ADIPOR1: variants seen among roughly 807,000 people sequenced by gnomAD.
ADIPOR1 encodes adiponectin receptor protein 1.
A neutral mutation model predicts 37.5 loss-of-function variants in ADIPOR1; 15 were observed. The observed-to-expected ratio is 0.40, with a 90% CI of 0.27 to 0.62. ADIPOR1 has a LOEUF of 0.62. Among genes scored for constraint, ADIPOR1 ranks in the 20% least tolerant of loss-of-function variants. ADIPOR1 has a pLI of 0.42. For missense variants in ADIPOR1, 286 were observed against 478.0 expected, an observed-to-expected ratio of 0.60 and a Z score of 3.75; for synonymous variants, 173 against 173.2, an observed-to-expected ratio of 1.00 and a Z score of 0.01.
intron 1 of ADIPOR1, among the ~76,000 whole-genome samples, chr1:202,953,368 C>T (rs1571569508): frequency 6.6e-6 from 1 of 151,940 alleles, no homozygotes; most frequent in Non-Finnish European, 1.5e-5. Context: ...TTGGAAGTAA[C>T]TTAGATCAGG....
chr1:202,956,438 C>A (rs1419979118), intron 1 of ADIPOR1, among the ~76,000 whole-genome samples: 2 of 152,176 alleles, frequency 1.3e-5, no homozygotes, highest in African/African-American at 4.8e-5. Flanking sequence ...TGATTACTTA[C>A]AATACGCATG....
intron 1 of ADIPOR1, among the ~76,000 whole-genome samples, chr1:202,954,741 T>A (rs1376324315): frequency 6.6e-6 from 1 of 152,232 alleles, no homozygotes; most frequent in African/African-American, 2.4e-5. Flanking sequence ...TGTACTCCTA[T>A]AAATAAGATA....
At position 202,942,091 on chromosome 1, in the gene ADIPOR1, G is replaced by A. The variant is rs1439636688; in HGVS notation, c.933C>T (p.Ile311=). Residue 311 remains isoleucine, a synonymous_variant, in exon 7 of 8, where the codon ATC becomes ATT. Coordinates refer to ENST00000340990, the MANE Select transcript of ADIPOR1 (RefSeq NM_015999.6). Reference sequence around the variant, plus strand: ...GAGCAGCATAAAGGCCAGCTCCAGTGATGTACATCACAGCCATGAGGAAGA... The same window carrying A: ...GAGCAGCATAAAGGCCAGCTCCAGTAATGTACATCACAGCCATGAGGAAGA... ...GWFFLMAVMY[I]TGAGLYAARI... 3.7e-6 allele frequency: 6 copies of A among 1,614,060 alleles called. No homozygotes were observed. In the African/African-American group the frequency reaches 8.0e-5, roughly 22 times the overall value.
chr1:202,952,802 T>G (rs1654631449), intron 1 of ADIPOR1, among the ~76,000 whole-genome samples: 1 of 152,230 alleles, frequency 6.6e-6, no homozygotes, highest in Non-Finnish European at 1.5e-5. Context: ...TCTATCCATA[T>G]GTATGTATCC....
intron 3 of ADIPOR1, among the ~76,000 whole-genome samples, chr1:202,947,523 AT>A (rs1006062235): frequency 4.7e-5 from 7 of 148,172 alleles, no homozygotes; most frequent in Non-Finnish European, 8.9e-5. Flanking sequence ...TCTCAAAAAA[AT>A]ATATATATAT....
In ADIPOR1 at chr1:202,941,295, C is replaced by T. The variant is rs1339249781; in HGVS notation, c.*278G>A. ...GTTGGAGGAGAGGGTAAAATCTCAACATGAGTTTCAAAGTACTGTCTCTGT... is the reference window on the plus strand; with the variant it reads ...GTTGGAGGAGAGGGTAAAATCTCAATATGAGTTTCAAAGTACTGTCTCTGT... On this transcript the variant is annotated 3_prime_UTR_variant, in exon 8 of 8. Transcript: ENST00000340990. 3.9e-6 allele frequency: 1 copy of T among 253,214 alleles called. No individual in the cohort carries two copies. The highest frequency in any genetic ancestry group is 7.5e-6 in the Non-Finnish European group (1 of 134,074). The allele number at this position is 253,214 out of a possible 1,614,324, so 15.7% of individuals were successfully genotyped here.
chr1:202,951,606 C>A (rs1455395605), intron 1 of ADIPOR1, among the ~76,000 whole-genome samples: 2 of 152,194 alleles, frequency 1.3e-5, no homozygotes, highest in Non-Finnish European at 2.9e-5. Context: ...ACAAGATCAT[C>A]CAGGCTTAGA....
At chr1:202,946,932 T>G (rs112945801) in intron 3 of ADIPOR1, among the ~76,000 whole-genome samples, 2,545 of 150,934 alleles carry the variant, frequency 0.017, 86 homozygotes, top group African/African-American at 0.057. Context: ...CTGACTAACA[T>G]GGTGAAACCC....
chr1:202,951,907 C>T (rs1654590613), intron 1 of ADIPOR1, among the ~76,000 whole-genome samples: 1 of 152,218 alleles, frequency 6.6e-6, no homozygotes, highest in Non-Finnish European at 1.5e-5. Flanking sequence ...ATAACCAGCT[C>T]CACAATAACT....
chr1:202,948,188 A>G (rs996020790), intron 3 of ADIPOR1, 116 bp downstream of exon 3: 1 of 842,992 alleles, frequency 1.2e-6, no homozygotes, highest in African/African-American at 1.7e-5. Flanking sequence ...CAAAAAACAA[A>G]TCCACTCCTT....
Position 202,941,336 on chromosome 1 carries a change from G to T in ADIPOR1, c.*237C>A. On this transcript the variant is annotated 3_prime_UTR_variant, in exon 8 of 8. Coordinates refer to ENST00000340990, the MANE Select transcript of ADIPOR1 (RefSeq NM_015999.6). ...CTGTCTCTGTGAGGGGCCGGTAGAT[G>T]CCTTGCTGAGGAGGGGATGGCTAAG... 1 of 363,282 alleles carries T rather than the reference G, an allele frequency of 2.8e-6. No homozygotes were observed. The allele number at this position is 363,282 out of a possible 1,614,324, so 22.5% of individuals were successfully genotyped here. A position where few individuals can be genotyped will look rare whatever the true frequency, so the allele number is the denominator to read the frequency against.
At chr1:202,952,754 C>T (rs1471598982) in intron 1 of ADIPOR1, among the ~76,000 whole-genome samples, 1 of 152,164 alleles carries the variant, frequency 6.6e-6, no homozygotes, top group African/African-American at 2.4e-5. Context: ...ACTTAGCCTC[C>T]ATAATCTCAT....
chr1:202,942,252 G>A lies in ADIPOR1; in HGVS notation c.806-34C>T, dbSNP rs111719484. 1.1e-4 allele frequency: 167 copies of A among 1,557,044 alleles called. No homozygotes were observed. In the African/African-American group the frequency reaches 2.0e-3, roughly 18 times the overall value. ...AACAGACATAAGACTGTCAAACAAGGAAACAGCCACCGCATGGAAGGCACT... is the reference window on the plus strand; with the variant it reads ...AACAGACATAAGACTGTCAAACAAGAAAACAGCCACCGCATGGAAGGCACT... On this transcript the variant is annotated intron_variant, in intron 6 of 7. Coordinates refer to ENST00000340990, the MANE Select transcript of ADIPOR1 (RefSeq NM_015999.6).
rs2102491472 is a variant in ADIPOR1, at chr1:202,951,165, C to G, written c.-94-1G>C. 1.4e-6 allele frequency: 2 copies of G among 1,444,482 alleles called. No individual in the cohort carries two copies. Among genetic ancestry groups the G allele is most frequent in the Middle Eastern group, 2.0e-4 (1 of 5,084 alleles). 89.5% of individuals were successfully genotyped at this position (1,444,482 alleles called of 1,614,324 possible). A position where few individuals can be genotyped will look rare whatever the true frequency, so the allele number is the denominator to read the frequency against. On this transcript the variant is annotated splice_acceptor_variant, in intron 1 of 7. Coordinates refer to ENST00000340990, the MANE Select transcript of ADIPOR1 (RefSeq NM_015999.6). LOFTEE classifies it low-confidence loss of function (5UTR_SPLICE). The stretch of plus-strand genomic sequence containing the variant: ...AGAGATCTCCCTCTGATGGTAGACA[C>G]TAAAAGAAAATACAAACATGAAGGA...
rs2275738 is a variant in ADIPOR1, at chr1:202,951,176, T to C, written c.-94-12A>G. The stretch of plus-strand genomic sequence containing the variant: ...TCTGATGGTAGACACTAAAAGAAAA[T>C]ACAAACATGAAGGATTGACAATTTA... On this transcript the variant is annotated splice_polypyrimidine_tract_variant and intron_variant, in intron 1 of 7. Transcript: ENST00000340990. The C allele has an allele frequency of 0.58, 765,585 of 1,322,382 alleles. 224,413 individuals are homozygous for C. Among genetic ancestry groups the C allele is most frequent in the East Asian group, 0.82 (35,136 of 42,924 alleles). 81.9% of individuals were successfully genotyped at this position (1,322,382 alleles called of 1,614,324 possible).
At position 202,950,983 on chromosome 1, in the gene ADIPOR1, G is replaced by A; in HGVS notation, c.88C>T (p.Leu30=). 6.2e-7 allele frequency: 1 copy of A among 1,614,186 alleles called. No individual in the cohort carries two copies. Among genetic ancestry groups the A allele is most frequent in the Non-Finnish European group, 8.5e-7 (1 of 1,180,034 alleles). ...READTVELAE[L]GPLLEEKGKR... is the part of the protein sequence containing the mutation. ...CCCTTCTCTTCTAGCAGGGGTCCCAGTTCAGCCAGTTCCACCGTGTCAGCT... is the reference window on the plus strand; with the variant it reads ...CCCTTCTCTTCTAGCAGGGGTCCCAATTCAGCCAGTTCCACCGTGTCAGCT... The change falls in exon 2 of 8, where the codon CTG becomes TTG. Residue 30 remains leucine (L), a synonymous_variant. Transcript: ENST00000340990.
chr1:202,943,593 G>A (rs1654187733), intron 6 of ADIPOR1, among the ~76,000 whole-genome samples, 165 bp downstream of exon 6: 1 of 152,184 alleles, frequency 6.6e-6, no homozygotes. Flanking sequence ...GACACTGGGG[G>A]TTGAGAACTG....
intron 6 of ADIPOR1, among the ~76,000 whole-genome samples, chr1:202,942,987 GC>G (rs1226509027): frequency 1.3e-5 from 2 of 151,182 alleles, no homozygotes; most frequent in Non-Finnish European, 2.9e-5. Flanking sequence ...TCCCGCCTCA[GC>G]CTCTCAAGTA....
At chr1:202,952,176 C>T (rs1654603392) in intron 1 of ADIPOR1, among the ~76,000 whole-genome samples, 1 of 152,188 alleles carries the variant, frequency 6.6e-6, no homozygotes, top group Non-Finnish European at 1.5e-5. Context: ...TCTCTCCCCA[C>T]CTCTACCCCC....
Sources: allele counts gnomAD v4.1 joint callset (sites outside exome capture counted in the v4.1 genomes callset), GRCh38; gene constraint gnomAD v4.1.1; transcripts MANE v1.5; gene names NCBI Gene and HGNC (gene_info 2026-07-23, HGNC 2026-07-21).